The following AZIN2 variants were observed in gnomAD, a reference collection of about 807,000 sequenced individuals.
AZIN2 encodes the protein antizyme inhibitor 2.
Under a neutral mutation model 47.8 loss-of-function variants are expected in AZIN2, and 28 were observed. The observed-to-expected ratio is 0.59, with a 90% CI of 0.43 to 0.80. The LOEUF (loss-of-function observed/expected upper bound fraction) is 0.80, where lower values mean the gene tolerates loss of function less well. Among genes scored for constraint, AZIN2 ranks in the 30% least tolerant of loss-of-function variants. The pLI, the probability that AZIN2 is intolerant of heterozygous loss-of-function variation, is 0.00. For missense variants in AZIN2, 535 were observed against 582.5 expected (o/e 0.92, Z 0.84); for synonymous variants, 221 against 239.4 (o/e 0.92, Z 0.71).
At chr1:33,142,516 A>G in the AZIN2 span, 11 of 152,274 alleles carry the variant, frequency 7.2e-5, no homozygotes, top group African/African-American at 2.7e-4. Context: ...ACTAGAATAG[A>G]TACCTAACCC....
chr1:33,118,031 A>G lies in AZIN2; in HGVS notation c.1159A>G (p.Met387Val). The G allele has an allele frequency of 6.3e-7, 1 of 1,576,316 alleles. No homozygotes were observed. Among genetic ancestry groups the G allele is most frequent in the Non-Finnish European group, 8.6e-7 (1 of 1,162,638 alleles). ...HVGDWLVFDN[M>V]GAYTVGMGSP... ...AGGGGACTGGCTGGTCTTTGACAAC[A>G]TGGGCGCCTACACTGTGGGCATGGG... Residue 387 changes from methionine (M) to valine (V), a missense_variant, in exon 11 of 12, where the codon ATG becomes GTG. Coordinates refer to ENST00000294517, the MANE Select transcript of AZIN2 (RefSeq NM_052998.4).
At chr1:33,094,438 TA>T in intron 7 of AZIN2, 109 bp from the exon 8 acceptor site, 1 of 1,192,756 alleles carries the variant, frequency 8.4e-7, no homozygotes, top group Non-Finnish European at 1.2e-6. Context: ...ACTGCATCTG[TA>T]AAATGGGCAC....
intron 10 of AZIN2, among the ~76,000 whole-genome samples, chr1:33,099,557 T>G (rs1643491044): frequency 6.6e-6 from 1 of 152,216 alleles, no homozygotes; most frequent in African/African-American, 2.4e-5. Context: ...TGTTGCATGC[T>G]GGCTCTCACC....
At chr1:33,141,894 A>G in the AZIN2 span, 1 of 156,186 alleles carries the variant, frequency 6.4e-6, no homozygotes. Context: ...TATTCTTTTC[A>G]TCAAGATAGA....
At chr1:33,145,259 C>G in the AZIN2 span, 1 of 152,276 alleles carries the variant, frequency 6.6e-6, no homozygotes, top group African/African-American at 2.4e-5. Context: ...CTCTGAACCT[C>G]AATTTTCCTC....
downstream of AZIN2, among the ~76,000 whole-genome samples, chr1:33,126,739 C>T (rs984190861): frequency 5.9e-5 from 9 of 152,142 alleles, no homozygotes; most frequent in Non-Finnish European, 1.2e-4. Context: ...TCTGTTTTTC[C>T]ACTCAGTTAG....
chr1:33,134,535 GAC>G, the AZIN2 span, among the ~76,000 whole-genome samples: 2 of 152,206 alleles, frequency 1.3e-5, no homozygotes, highest in African/African-American at 4.8e-5. Context: ...GGGGTCAGAA[GAC>G]AGAGCTAGGA....
At chr1:33,149,264 T>G in the AZIN2 span, among the ~76,000 whole-genome samples, 2 of 152,242 alleles carry the variant, frequency 1.3e-5, no homozygotes, top group Non-Finnish European at 2.9e-5. Context: ...GTGATTCTCA[T>G]GCCTCAGCCT....
chr1:33,161,542 G>A, the AZIN2 span, among the ~76,000 whole-genome samples: 1 of 152,154 alleles, frequency 6.6e-6, no homozygotes, highest in African/African-American at 2.4e-5. The surrounding 1 kb of genome is among the most constrained non-coding windows in gnomAD (Gnocchi z 4.3). Flanking sequence ...ACTGCTGGCG[G>A]TGGGCCAGCC....
At chr1:33,119,520 C>G (rs1484213734) in intron 11 of AZIN2, 3 of 164,272 alleles carry the variant, frequency 1.8e-5, no homozygotes, top group African/African-American at 4.8e-5. Context: ...GATAGTGGAG[C>G]CATTGATCAA....
At chr1:33,088,449 A>C (rs897329563) in intron 5 of AZIN2, among the ~76,000 whole-genome samples, 2 of 152,162 alleles carry the variant, frequency 1.3e-5, no homozygotes, top group South Asian at 4.1e-4. Context: ...ATTCCCCCAG[A>C]ATCCCCTTGG....
At chr1:33,147,842 T>C in the AZIN2 span, 1 of 1,151,084 alleles carries the variant, frequency 8.7e-7, no homozygotes, top group Non-Finnish European at 1.2e-6. The surrounding 1 kb of genome is among the most constrained non-coding windows in gnomAD (Gnocchi z 8.1). Context: ...TCTGACCTGC[T>C]GTGTGACCTT....
chr1:33,130,022 G>A, the AZIN2 span, among the ~76,000 whole-genome samples: 3 of 152,058 alleles, frequency 2.0e-5, no homozygotes, highest in Non-Finnish European at 2.9e-5. Context: ...ACCATGCCTG[G>A]CTAATTTTGT....
At chr1:33,124,356 A>C (rs561803899), downstream of AZIN2, among the ~76,000 whole-genome samples, 57 of 152,224 alleles carry the variant, frequency 3.7e-4, no homozygotes, top group African/African-American at 1.2e-3. The surrounding 1 kb of genome is among the most constrained non-coding windows in gnomAD (Gnocchi z 4.6). Flanking sequence ...GGAGCAGAAG[A>C]AGCACGTCAG....
rs768440470 is a variant in AZIN2 at position 33,095,336 on chromosome 1, C to T, written c.753+623C>T. Among the ~76,000 whole-genome samples the T allele has an allele frequency of 1.2e-4, 19 of 152,196 alleles. 1 individual carries two copies. Among genetic ancestry groups the T allele is most frequent in the Admixed American group, 5.2e-4 (8 of 15,276 alleles). ...TTCCTAACAGAAGTCCAGTGGACTT[C>T]CCTGGTCCATCTAATACTCAGGATT... On this transcript the variant is annotated intron_variant, in intron 8 of 11. Transcript: ENST00000294517.
At chr1:33,129,666 C>G in the AZIN2 span, among the ~76,000 whole-genome samples, 1 of 152,136 alleles carries the variant, frequency 6.6e-6, no homozygotes, top group Non-Finnish European at 1.5e-5. The surrounding 1 kb of genome is among the most constrained non-coding windows in gnomAD (Gnocchi z 4.1). Flanking sequence ...CTTCCCTTCT[C>G]GAAGAGAAAA....
rs185226135 is a variant in AZIN2, at chr1:33,083,906, G to A, written c.106-48G>A. ...GAAGGATCACGGATGGCATGCACAG[G>A]GTGCGAGCTGGATGGGGTCTCACAT... On this transcript the variant is annotated intron_variant, in intron 4 of 11. Coordinates refer to ENST00000294517, the MANE Select transcript of AZIN2 (RefSeq NM_052998.4). 1.2e-3 allele frequency: 1,887 copies of A among 1,607,622 alleles called. 1 individual carries two copies. The highest frequency in any genetic ancestry group is 1.3e-3 in the Non-Finnish European group (1,535 of 1,176,174).
the AZIN2 span, among the ~76,000 whole-genome samples, chr1:33,137,640 A>G: frequency 6.6e-6 from 1 of 152,068 alleles, no homozygotes; most frequent in Non-Finnish European, 1.5e-5. Context: ...TAACCACACT[A>G]TTTGGCTAGT....
At chr1:33,159,732 G>A in the AZIN2 span, 9 of 1,612,088 alleles carry the variant, frequency 5.6e-6, no homozygotes, top group East Asian at 8.9e-5. The surrounding 1 kb of genome is among the most constrained non-coding windows in gnomAD (Gnocchi z 4.2). Flanking sequence ...TGTGCCGGTC[G>A]GTTTCAGCCA....
Sources: allele counts gnomAD v4.1 joint callset (sites outside exome capture counted in the v4.1 genomes callset), GRCh38; gene constraint gnomAD v4.1.1; non-coding constraint Gnocchi (gnomAD v3.1); transcripts MANE v1.5; gene names NCBI Gene and HGNC (gene_info 2026-07-23, HGNC 2026-07-21).